The following MRPS35 variants were observed in gnomAD, a reference collection of about 807,000 sequenced individuals.
MRPS35 encodes the protein mitochondrial ribosomal protein S35.
In MRPS35, 29 loss-of-function variants were observed where a neutral mutation model predicts 32.7. The ratio of observed to expected loss-of-function variants is 0.89; its 90% CI spans 0.66 to 1.21. MRPS35 has a LOEUF of 1.21. MRPS35 is among the 50% of genes most tolerant of loss of function. MRPS35 has a pLI of 0.00. For synonymous variants in MRPS35, 148 were observed against 139.3 expected, an observed-to-expected ratio of 1.06 and a Z score of -0.44; for missense variants, 373 against 383.8, an observed-to-expected ratio of 0.97 and a Z score of 0.23.
intron 3 of MRPS35, among the ~76,000 whole-genome samples, chr12:27,717,445 A>G (rs1389909570): frequency 7.9e-5 from 12 of 152,256 alleles, no homozygotes; most frequent in Non-Finnish European, 1.3e-4. Context: ...TAAAGAAAAT[A>G]TAAATGCTTA....
At chr12:27,731,448 A>G (rs2061921722) in intron 5 of MRPS35, among the ~76,000 whole-genome samples, 1 of 152,260 alleles carries the variant, frequency 6.6e-6, no homozygotes, top group South Asian at 2.1e-4. Context: ...GTACTAGCAA[A>G]TAAACAATCT....
intron 3 of MRPS35, 124 bp from the exon 4 acceptor site, chr12:27,719,684 A>AC (rs1593464788): frequency 1.1e-5 from 7 of 662,346 alleles, no homozygotes; most frequent in South Asian, 3.7e-5. Flanking sequence ...AAAAAAAAAA[A>AC]AAACAAACAG....
intron 5 of MRPS35, among the ~76,000 whole-genome samples, chr12:27,726,393 T>C (rs1461260757): frequency 6.6e-6 from 1 of 152,142 alleles, no homozygotes; most frequent in East Asian, 1.9e-4. Context: ...TATCCATTCA[T>C]TAATTGGTGG....
At chr12:27,724,325 G>A (rs1002054769) in intron 5 of MRPS35, 139 bp downstream of exon 5, 7 of 688,876 alleles carry the variant, frequency 1.0e-5, no homozygotes, top group Non-Finnish European at 1.5e-5. Context: ...AATTGCTTGA[G>A]CCCAGGAATT....
chr12:27,726,743 A>G (rs1404510774), intron 5 of MRPS35, among the ~76,000 whole-genome samples: 2 of 152,040 alleles, frequency 1.3e-5, no homozygotes, highest in Non-Finnish European at 2.9e-5. Context: ...CCTAATAACC[A>G]TCTTTTCATG....
chr12:27,732,021 C>G (rs527838599), intron 5 of MRPS35, among the ~76,000 whole-genome samples: 2 of 152,188 alleles, frequency 1.3e-5, no homozygotes, highest in African/African-American at 4.8e-5. Context: ...TTTCAAAAAT[C>G]CCAATAAAAG....
intron 5 of MRPS35, 105 bp from the exon 6 acceptor site, chr12:27,735,341 CT>C: frequency 1.3e-6 from 1 of 799,752 alleles, no homozygotes; most frequent in Non-Finnish European, 1.9e-6. Flanking sequence ...GTTTGGAAAG[CT>C]TTCTTTTTAG....
intron 4 of MRPS35, among the ~76,000 whole-genome samples, chr12:27,723,043 A>G (rs1307873821): frequency 3.3e-5 from 5 of 152,182 alleles, no homozygotes; most frequent in African/African-American, 1.2e-4. Flanking sequence ...TTTTGGAGGA[A>G]GCATGGATCT....
intron 7 of MRPS35, among the ~76,000 whole-genome samples, chr12:27,743,375 T>G (rs61915372): frequency 6.6e-6 from 1 of 151,438 alleles, no homozygotes; most frequent in African/African-American, 2.4e-5. Context: ...TACAAATATA[T>G]AAATTAGCCG....
At chr12:27,741,394 G>A (rs1295806080) in intron 7 of MRPS35, among the ~76,000 whole-genome samples, 1 of 152,018 alleles carries the variant, frequency 6.6e-6, no homozygotes, top group Non-Finnish European at 1.5e-5. Context: ...GATGGATCAG[G>A]GAGAATTTGT....
intron 7 of MRPS35, among the ~76,000 whole-genome samples, chr12:27,744,027 T>G (rs990650621): frequency 3.3e-5 from 5 of 152,240 alleles, no homozygotes; most frequent in Non-Finnish European, 7.3e-5. Context: ...ACTTCTTCAT[T>G]TCTTATGTAT....
intron 7 of MRPS35, among the ~76,000 whole-genome samples, chr12:27,753,984 T>C (rs1043187749): frequency 1.3e-5 from 2 of 152,192 alleles, no homozygotes; most frequent in Non-Finnish European, 2.9e-5. Flanking sequence ...CTGGGTGTGG[T>C]GGCTTATGCC....
intron 4 of MRPS35, among the ~76,000 whole-genome samples, chr12:27,723,006 T>A (rs570943566): frequency 2.6e-5 from 4 of 152,246 alleles, no homozygotes; most frequent in Non-Finnish European, 5.9e-5. Flanking sequence ...CCTGTGATTA[T>A]GACCAGCCTT....
At chr12:27,739,163 G>C (rs1467126461) in intron 7 of MRPS35, among the ~76,000 whole-genome samples, 1 of 152,206 alleles carries the variant, frequency 6.6e-6, no homozygotes, top group African/African-American at 2.4e-5. Flanking sequence ...CTCCCGAAGT[G>C]CTGGGATTAC....
chr12:27,745,721 G>T (rs1418614417), intron 7 of MRPS35, among the ~76,000 whole-genome samples: 1 of 140,368 alleles, frequency 7.1e-6, no homozygotes, highest in Non-Finnish European at 1.5e-5. Flanking sequence ...CCTTCCCCCT[G>T]CCCCCCACAA....
chr12:27,727,580 G>A (rs2140764206), intron 5 of MRPS35, among the ~76,000 whole-genome samples: 1 of 152,152 alleles, frequency 6.6e-6, no homozygotes, highest in Admixed American at 6.5e-5. Flanking sequence ...AAATCACCTA[G>A]CCATGTCTTT....
At chr12:27,754,109 C>G (rs1290271901) in intron 7 of MRPS35, among the ~76,000 whole-genome samples, 4 of 152,010 alleles carry the variant, frequency 2.6e-5, no homozygotes, top group Non-Finnish European at 1.5e-5. Flanking sequence ...CAAAAATTAG[C>G]TGGGCGTGGT....
chr12:27,737,403 C>T, intron 6 of MRPS35, 136 bp from the exon 7 acceptor site: 1 of 666,346 alleles, frequency 1.5e-6, no homozygotes, highest in Admixed American at 2.9e-5. Flanking sequence ...ATTTTTATTC[C>T]AAAAACAGTT....
At chr12:27,748,801 CA>C (rs931668958) in intron 7 of MRPS35, among the ~76,000 whole-genome samples, 3 of 150,768 alleles carry the variant, frequency 2.0e-5, no homozygotes, top group Admixed American at 6.6e-5. Flanking sequence ...CTTCTGGCTA[CA>C]AAAAAAAACT....
Sources: gnomAD v4.1 joint callset for allele counts (sites outside exome capture counted in the v4.1 genomes callset) on GRCh38, gnomAD v4.1.1 for gene constraint, MANE v1.5 for transcripts, NCBI Gene and HGNC (gene_info 2026-07-23, HGNC 2026-07-21) for gene names.